The following BLOC1S3 variants were observed in gnomAD, a reference collection of about 807,000 sequenced individuals.
The protein encoded by BLOC1S3 is biogenesis of lysosomal organelles complex 1 subunit 3.
A neutral mutation model predicts 9.1 loss-of-function variants in BLOC1S3; 7 were observed. That is an observed-to-expected ratio of 0.77 (90% CI 0.44 to 1.45). The LOEUF is 1.45. BLOC1S3 is among the 40% of genes most tolerant of loss of function. The probability of loss-of-function intolerance (pLI) is 0.01; values close to 1 mark genes in which losing one functional copy is unlikely to be tolerated. For synonymous variants in BLOC1S3, 145 were observed against 158.4 expected, an observed-to-expected ratio of 0.92 and a Z score of 0.64; for missense variants, 307 against 315.2, an observed-to-expected ratio of 0.97 and a Z score of 0.20.
chr19:45,192,881 C>G (rs1306008650), intron 2 of BLOC1S3, among the ~76,000 whole-genome samples: 1 of 152,066 alleles, frequency 6.6e-6, no homozygotes, highest in Non-Finnish European at 1.5e-5. Flanking sequence ...CGCCTGTAAT[C>G]CCAGCACTCT....
At chr19:45,216,029 C>T (rs1366240778) in intron 3 of BLOC1S3, 2 of 1,606,990 alleles carry the variant, frequency 1.2e-6, no homozygotes, top group South Asian at 2.2e-5. Flanking sequence ...GCCAGGAGAC[C>T]TCGGCCAGGC....
At position 45,179,122 on chromosome 19, in the gene BLOC1S3, C is replaced by G; in HGVS notation, c.-9-166C>G. On this transcript the variant is annotated intron_variant, in intron 1 of 1. Coordinates refer to ENST00000433642, the MANE Select transcript of BLOC1S3 (RefSeq NM_212550.5). This position sits in a 1 kb window ranked among gnomAD's most constrained non-coding sequence, Gnocchi z 4.6. ...GCTGAAGAGCCTGGGGTCCAGTAACCCCCATCATCACCCAGTTTACAGAAG... is the reference window on the plus strand; with the variant it reads ...GCTGAAGAGCCTGGGGTCCAGTAACGCCCATCATCACCCAGTTTACAGAAG... 1 of 694,294 alleles carries G rather than the reference C, an allele frequency of 1.4e-6. No homozygotes were observed. Among genetic ancestry groups the G allele is most frequent in the South Asian group, 2.7e-5 (1 of 36,936 alleles). The allele number at this position is 694,294 out of a possible 1,614,324, so 43.0% of individuals were successfully genotyped here. A position where few individuals can be genotyped will look rare whatever the true frequency, so the allele number is the denominator to read the frequency against.
At chr19:45,198,532 G>T (rs1194933663) in intron 2 of BLOC1S3, among the ~76,000 whole-genome samples, 3 of 152,184 alleles carry the variant, frequency 2.0e-5, no homozygotes, top group Non-Finnish European at 4.4e-5. Flanking sequence ...GACCTCAGGT[G>T]ATCCACCTGT....
At chr19:45,181,981 A>G (rs1482435770), downstream of BLOC1S3, among the ~76,000 whole-genome samples, 1 of 152,146 alleles carries the variant, frequency 6.6e-6, no homozygotes, top group Non-Finnish European at 1.5e-5. Flanking sequence ...TATTAATTCA[A>G]CACACACGTT....
rs1969799629 is a variant in BLOC1S3, at chr19:45,213,362, G to A, written n.283-3314G>A. Reference sequence around the variant, plus strand: ...AGGGCTGCCACGTGCTTCTGCCTGTGGGGAGAGGAACAGACAGGTGCATGC... The same window carrying A: ...AGGGCTGCCACGTGCTTCTGCCTGTAGGGAGAGGAACAGACAGGTGCATGC... On this transcript the variant is annotated intron_variant and non_coding_transcript_variant, in intron 3 of 3. Transcript: ENST00000591569. 1.9e-6 allele frequency: 3 copies of A among 1,612,728 alleles called. No individual in the cohort carries two copies. The South Asian group carries it at 3.3e-5, about 18-fold the overall frequency.
Position 45,179,250 on chromosome 19 carries a change from C to G in BLOC1S3, c.-9-38C>G. Reference sequence around the variant, plus strand: ...CCTGCGCCTTTTACCCACCGCGGCGCCGGTCTCACGTGCAGTCCCTTCGCT... The same window carrying G: ...CCTGCGCCTTTTACCCACCGCGGCGGCGGTCTCACGTGCAGTCCCTTCGCT... On this transcript the variant is annotated intron_variant, in intron 1 of 1. Transcript: ENST00000433642. The surrounding 1 kb of genome is among the most constrained non-coding windows in gnomAD (Gnocchi z 4.6). 6.8e-7 allele frequency: 1 copy of G among 1,475,648 alleles called. No individual in the cohort carries two copies. The highest frequency in any genetic ancestry group is 1.3e-5 in the South Asian group (1 of 77,342). The allele number at this position is 1,475,648 out of a possible 1,614,324, so 91.4% of individuals were successfully genotyped here. A position where few individuals can be genotyped will look rare whatever the true frequency, so the allele number is the denominator to read the frequency against.
At chr19:45,193,299 AAGG>A (rs1201932196) in intron 2 of BLOC1S3, among the ~76,000 whole-genome samples, 1 of 152,000 alleles carries the variant, frequency 6.6e-6, no homozygotes, top group Non-Finnish European at 1.5e-5. Flanking sequence ...TGTTCTTCTG[AAGG>A]AGATGATTAC....
At chr19:45,209,735 TGAGGCG>T (rs958708019) in intron 3 of BLOC1S3, among the ~76,000 whole-genome samples, 1 of 151,206 alleles carries the variant, frequency 6.6e-6, no homozygotes, top group Non-Finnish European at 1.5e-5. Context: ...TTATTTTTTT[TGAGGCG>T]GAGTTTCGCC....
At chr19:45,182,963 G>A (rs924118319), downstream of BLOC1S3, among the ~76,000 whole-genome samples, 23 of 152,124 alleles carry the variant, frequency 1.5e-4, no homozygotes, top group Admixed American at 3.9e-4. Flanking sequence ...AGCTGAGCCC[G>A]GAAGGTGGAA....
chr19:45,207,889 G>A (rs1969739757), intron 3 of BLOC1S3, among the ~76,000 whole-genome samples: 1 of 152,052 alleles, frequency 6.6e-6, no homozygotes, highest in South Asian at 2.1e-4. Flanking sequence ...TTGAACTAAT[G>A]TCAATGTCCT....
At position 45,216,332 on chromosome 19, in the gene BLOC1S3, T is replaced by G. The variant is rs184421739; in HGVS notation, n.283-344T>G. On this transcript the variant is annotated intron_variant and non_coding_transcript_variant, in intron 3 of 3. Transcript: ENST00000591569. Reference sequence around the variant, plus strand: ...GGCTCAAGCCTGTAATCCCAGCACTTTGGGAGGAGGCCGAGGCGGGTGGAT... The same window carrying G: ...GGCTCAAGCCTGTAATCCCAGCACTGTGGGAGGAGGCCGAGGCGGGTGGAT... 5.6e-4 allele frequency: 708 copies of G among 1,257,730 alleles called. 6 individuals carry two copies. In the African/African-American group the frequency reaches 9.2e-3, roughly 16 times the overall value. The allele number at this position is 1,257,730 out of a possible 1,614,324, so 77.9% of individuals were successfully genotyped here.
intron 3 of BLOC1S3, among the ~76,000 whole-genome samples, chr19:45,207,198 T>C (rs111435864): frequency 0.045 from 6,798 of 151,642 alleles, 240 homozygotes; most frequent in South Asian, 0.1. Flanking sequence ...AGTGGCACGA[T>C]ATCGGCTTAG....
At position 45,190,954 on chromosome 19, in the gene BLOC1S3, C is replaced by T. The variant is rs141718818; in HGVS notation, n.180+3214C>T. ...CTGAGTAGCTGGGACCACAGGCACC[C>T]GACACCACGCCCGGCTAATTTTTTG... On this transcript the variant is annotated intron_variant and non_coding_transcript_variant, in intron 2 of 3. Transcript: ENST00000591569. Among the ~76,000 whole-genome samples the T allele has an allele frequency of 8.8e-3, 1,317 of 150,066 alleles. 21 individuals are homozygous for T. The highest frequency in any genetic ancestry group is 0.03 in the African/African-American group (1,236 of 41,078).
downstream of BLOC1S3, among the ~76,000 whole-genome samples, chr19:45,183,686 G>C (rs1160207299): frequency 6.9e-6 from 1 of 144,214 alleles, no homozygotes; most frequent in Non-Finnish European, 1.5e-5. Context: ...GAGTGCAGTG[G>C]CGAGATCTCA....
Position 45,203,502 on chromosome 19 carries a change from G to T in BLOC1S3, n.282+995G>T, listed in dbSNP as rs571988976. Among the ~76,000 whole-genome samples, 13 of 152,244 alleles carry T rather than the reference G, an allele frequency of 8.5e-5. No homozygotes were observed. In the South Asian group the frequency reaches 2.1e-3, roughly 24 times the overall value. On this transcript the variant is annotated intron_variant and non_coding_transcript_variant, in intron 3 of 3. Transcript: ENST00000591569. ...TTGGTGAGGCTGGTCTCGAACTCCT[G>T]ACCTCGTGATCCGCCTGCCTAAGCT...
Position 45,179,526 on chromosome 19 carries a change from C to G in BLOC1S3, c.230C>G (p.Pro77Arg). ...PEPEPEPTAA[P>R]RDLPPLVVQR... Reference sequence around the variant, plus strand: ...CCGGAGCCGGAACCGACGGCCGCGCCGAGGGACCTGCCTCCACTCGTGGTG... The same window carrying G: ...CCGGAGCCGGAACCGACGGCCGCGCGGAGGGACCTGCCTCCACTCGTGGTG... The change falls in exon 2 of 2, where the codon CCG (proline) becomes CGG (arginine). Residue 77 changes from proline (P) to arginine (R), a missense_variant. By Grantham distance (103) the Pro-to-Arg change is moderately radical. Coordinates refer to ENST00000433642, the MANE Select transcript of BLOC1S3 (RefSeq NM_212550.5). The surrounding 1 kb of genome is among the most constrained non-coding windows in gnomAD (Gnocchi z 4.6). 1.3e-6 allele frequency: 2 copies of G among 1,523,172 alleles called. No homozygotes were observed. The highest frequency in any genetic ancestry group is 1.8e-6 in the Non-Finnish European group (2 of 1,142,634). 94.4% of individuals were successfully genotyped at this position (1,523,172 alleles called of 1,614,324 possible).
intron 3 of BLOC1S3, chr19:45,215,983 C>T (rs1408878481): frequency 1.9e-6 from 3 of 1,552,156 alleles, no homozygotes; most frequent in African/African-American, 1.4e-5. Context: ...CTCCCTCCCT[C>T]AGGAGGCAGG....
chr19:45,213,103 G>A (rs1800437940), intron 3 of BLOC1S3: 1 of 1,535,736 alleles, frequency 6.5e-7, no homozygotes, highest in Non-Finnish European at 8.7e-7. Context: ...TAGAGACGGA[G>A]GCCGGGGCCG....
intron 2 of BLOC1S3, among the ~76,000 whole-genome samples, chr19:45,196,682 G>A (rs1321962937): frequency 3.3e-5 from 5 of 151,768 alleles, no homozygotes; most frequent in African/African-American, 1.2e-4. Context: ...CATAAGGTCA[G>A]GAGATCAAGA....
Sources: gnomAD v4.1 joint callset for allele counts (sites outside exome capture counted in the v4.1 genomes callset) on GRCh38, gnomAD v4.1.1 for gene constraint, Gnocchi (gnomAD v3.1) non-coding constraint, MANE v1.5 for transcripts, NCBI Gene and HGNC (gene_info 2026-07-23, HGNC 2026-07-21) for gene names.